Variants in KAT2B observed in about 807,000 individuals in gnomAD.
KAT2B encodes the protein histone acetyltransferase KAT2B.
A neutral mutation model predicts 105.9 loss-of-function variants in KAT2B; 36 were observed. The ratio of observed to expected loss-of-function variants is 0.34; its 90% CI spans 0.26 to 0.45. KAT2B has a LOEUF of 0.45. Among genes scored for constraint, KAT2B ranks in the 20% least tolerant of loss-of-function variants. The pLI, the probability that KAT2B is intolerant of heterozygous loss-of-function variation, is 1.00. For synonymous variants in KAT2B, 397 were observed against 377.9 expected (o/e 1.05, Z -0.59); for missense variants, 820 against 1,021.6 (o/e 0.80, Z 2.69).
At chr3:20,062,614 G>A (rs768049210) in intron 1 of KAT2B, among the ~76,000 whole-genome samples, 2 of 150,728 alleles carry the variant, frequency 1.3e-5, no homozygotes, top group Non-Finnish European at 2.9e-5. Context: ...GGCATGCGCC[G>A]CCACGCCCAG....
intron 5 of KAT2B, among the ~76,000 whole-genome samples, chr3:20,108,801 G>A (rs1699067925): frequency 6.6e-6 from 1 of 152,172 alleles, no homozygotes; most frequent in Non-Finnish European, 1.5e-5. Context: ...GATCAGTGGT[G>A]GCATTAGATT....
intron 5 of KAT2B, among the ~76,000 whole-genome samples, chr3:20,104,492 C>T (rs1490918118): frequency 1.3e-5 from 2 of 152,096 alleles, no homozygotes; most frequent in East Asian, 3.9e-4. Context: ...ATTAAAAAAA[C>T]CACATACCAC....
intron 1 of KAT2B, among the ~76,000 whole-genome samples, chr3:20,041,295 G>T (rs1028434165): frequency 2.6e-5 from 4 of 152,134 alleles, no homozygotes; most frequent in Non-Finnish European, 5.9e-5. Flanking sequence ...AGGAAAGCGC[G>T]GGGTGGGAAG....
At chr3:20,146,757 C>T (rs1002984243) in intron 14 of KAT2B, among the ~76,000 whole-genome samples, 7 of 152,210 alleles carry the variant, frequency 4.6e-5, no homozygotes, top group African/African-American at 1.7e-4. Flanking sequence ...ATGGGGAAAT[C>T]GAGTTCCAAA....
At chr3:20,141,149 A>G (rs1444338435) in intron 13 of KAT2B, among the ~76,000 whole-genome samples, 1 of 152,128 alleles carries the variant, frequency 6.6e-6, no homozygotes, top group Non-Finnish European at 1.5e-5. Flanking sequence ...TGATCCACCT[A>G]TTTGAATTTC....
At chr3:20,099,125 C>G (rs931071301) in intron 3 of KAT2B, among the ~76,000 whole-genome samples, 2 of 152,188 alleles carry the variant, frequency 1.3e-5, no homozygotes, top group Non-Finnish European at 2.9e-5. Flanking sequence ...GTAAGTGGCT[C>G]TGTGTTCCCT....
chr3:20,071,019 A>ACG (rs1358440977), intron 1 of KAT2B, among the ~76,000 whole-genome samples: 1 of 64,378 alleles, frequency 1.6e-5, no homozygotes, highest in African/African-American at 8.3e-5. Flanking sequence ...TAAAAAAAAA[A>ACG]AAACCAAAAA....
chr3:20,078,435 C>T (rs1237583533), intron 2 of KAT2B, among the ~76,000 whole-genome samples: 2 of 151,966 alleles, frequency 1.3e-5, no homozygotes, highest in Non-Finnish European at 2.9e-5. Flanking sequence ...TGCAGTGGTG[C>T]GATCTCAGCT....
chr3:20,092,217 ATATTTATT>A (rs879484829), intron 2 of KAT2B, among the ~76,000 whole-genome samples: 10 of 79,878 alleles, frequency 1.3e-4, no homozygotes, highest in Middle Eastern at 5.2e-3. Context: ...CTACTTTCAC[ATATTTATT>A]TATTTATTTA....
chr3:20,074,773 A>G (rs4602410), intron 2 of KAT2B, among the ~76,000 whole-genome samples: 62,818 of 151,840 alleles, frequency 0.41, 13,297 homozygotes, highest in South Asian at 0.5. Context: ...TTAGGATTCA[A>G]CTCCAACTGC....
intron 7 of KAT2B, among the ~76,000 whole-genome samples, chr3:20,119,192 T>C (rs561263112): frequency 5.9e-5 from 9 of 152,094 alleles, no homozygotes; most frequent in Admixed American, 1.3e-4. Context: ...AAATATCTTG[T>C]CTTCATCAAA....
chr3:20,128,391 A>T (rs898130021), intron 11 of KAT2B, among the ~76,000 whole-genome samples: 3 of 152,204 alleles, frequency 2.0e-5, no homozygotes, highest in African/African-American at 7.2e-5. Context: ...TCTTTAAGGG[A>T]AGTCATGAAA....
chr3:20,131,812 C>G (rs1225809035), intron 11 of KAT2B, among the ~76,000 whole-genome samples: 1 of 152,162 alleles, frequency 6.6e-6, no homozygotes, highest in African/African-American at 2.4e-5. Context: ...GATCCTCCCT[C>G]CTTGGCCCCC....
At chr3:20,095,610 A>G (rs959072841) in intron 3 of KAT2B, among the ~76,000 whole-genome samples, 1 of 152,146 alleles carries the variant, frequency 6.6e-6, no homozygotes, top group African/African-American at 2.4e-5. Flanking sequence ...AGGCTTTTAC[A>G]CTTGTATGCA....
At chr3:20,048,402 T>G (rs1430631212) in intron 1 of KAT2B, among the ~76,000 whole-genome samples, 2 of 152,224 alleles carry the variant, frequency 1.3e-5, no homozygotes, top group African/African-American at 4.8e-5. Context: ...AATAGCGATT[T>G]GTGATATAGC....
intron 2 of KAT2B, among the ~76,000 whole-genome samples, chr3:20,078,191 A>G (rs1161523646): frequency 6.6e-6 from 1 of 152,094 alleles, no homozygotes; most frequent in Non-Finnish European, 1.5e-5. Flanking sequence ...AAAATAAATA[A>G]ATAAATAAAT....
intron 1 of KAT2B, among the ~76,000 whole-genome samples, chr3:20,044,076 AAAAAAG>A (rs2125161550): frequency 6.6e-6 from 1 of 152,074 alleles, no homozygotes; most frequent in Non-Finnish European, 1.5e-5. Flanking sequence ...AAAGAAAAAA[AAAAAAG>A]AAAAAAGAAA....
Position 20,094,501 on chromosome 3 carries a change from G to A in KAT2B, c.431-762G>A, listed in dbSNP as rs116764739. ...TAAAATGCAATTACTAATACCGACC[G>A]CATGGGATTGGGGATTAAATGTAAT... On this transcript the variant is annotated intron_variant, in intron 2 of 17. Coordinates refer to ENST00000263754, the MANE Select transcript of KAT2B (RefSeq NM_003884.5). Among the ~76,000 whole-genome samples, 432 of 152,184 alleles carry A rather than the reference G, an allele frequency of 2.8e-3. 2 individuals carry two copies. Among genetic ancestry groups the A allele is most frequent in the Non-Finnish European group, 4.7e-3 (317 of 68,010 alleles).
intron 1 of KAT2B, among the ~76,000 whole-genome samples, chr3:20,061,274 G>A (rs1384338633): frequency 1.3e-5 from 2 of 152,066 alleles, no homozygotes; most frequent in African/African-American, 2.4e-5. Context: ...ACATTCTCAA[G>A]TTTCATTCAG....
Sources: allele counts gnomAD v4.1 joint callset (sites outside exome capture counted in the v4.1 genomes callset), GRCh38; gene constraint gnomAD v4.1.1; transcripts MANE v1.5; gene names NCBI Gene and HGNC (gene_info 2026-07-23, HGNC 2026-07-21).